The following MYCBP2 variants were observed in gnomAD, a reference collection of about 807,000 sequenced individuals.
MYCBP2 encodes E3 ubiquitin-protein ligase MYCBP2.
MYCBP2 carries 120 observed loss-of-function variants against 525.3 expected under a neutral mutation model. The observed-to-expected ratio is 0.23, with a 90% CI of 0.20 to 0.27. The LOEUF (loss-of-function observed/expected upper bound fraction) is 0.27, where lower values mean the gene tolerates loss of function less well. Among genes scored for constraint, MYCBP2 ranks in the 10% least tolerant of loss-of-function variants. MYCBP2 has a pLI of 1.00. For missense variants in MYCBP2, 4,149 were observed against 5,657.1 expected, an observed-to-expected ratio of 0.73 and a Z score of 8.55; for synonymous variants, 1,894 against 1,955.8, an observed-to-expected ratio of 0.97 and a Z score of 0.83.
chr13:77,301,521 A>G (rs1047175373), intron 1 of MYCBP2, among the ~76,000 whole-genome samples: 16 of 151,862 alleles, frequency 1.1e-4, no homozygotes, highest in Admixed American at 1.3e-4. Context: ...GGAGCGGTCT[A>G]TGTAATCCCT....
intron 82 of MYCBP2, among the ~76,000 whole-genome samples, chr13:77,045,822 G>C (rs1342254142): frequency 2.0e-5 from 3 of 152,064 alleles, no homozygotes; most frequent in Admixed American, 6.6e-5. Flanking sequence ...GAACAAAAAA[G>C]GTCACAAAAC....
In MYCBP2 at chr13:77,180,262, C is replaced by T; in HGVS notation, c.4998G>A (p.Leu1666=). The part of the protein sequence containing the change: ...TSFREVLEKM[L]VIVVLPVRNS... ...TCCTGACTGGTAGCACAACAATGAC[C>T]AGCATTTTCTCCAGAACTTCACGGA... Residue 1666 remains leucine (L), a synonymous_variant, in exon 34 of 83, where the codon CTG becomes CTA. Coordinates refer to ENST00000544440, the MANE Select transcript of MYCBP2 (RefSeq NM_015057.5). The T allele has an allele frequency of 6.2e-7, 1 of 1,614,128 alleles. No individual in the cohort carries two copies. Among genetic ancestry groups the T allele is most frequent in the Non-Finnish European group, 8.5e-7 (1 of 1,180,014 alleles).
intron 26 of MYCBP2, among the ~76,000 whole-genome samples, chr13:77,202,997 C>A (rs1350682533): frequency 1.3e-5 from 2 of 151,672 alleles, no homozygotes; most frequent in South Asian, 2.1e-4. Context: ...GACAGGGATG[C>A]CCTCTCTCAC....
rs765205497 is a variant in MYCBP2, at chr13:77,206,679, C to T, written c.3563G>A (p.Arg1188Gln). Residue 1188 changes from arginine (R) to glutamine (Q), a missense_variant, in exon 24 of 83, where the codon CGA (arginine) becomes CAA (glutamine). Physicochemically the swap from Arg to Gln is conservative, Grantham distance 43. Coordinates refer to ENST00000544440, the MANE Select transcript of MYCBP2 (RefSeq NM_015057.5). ...TAAAATGTGCAAAGCTGCATGAGATCGGGTAGTGAGGGCCCTTGATCCTGT... is the reference window on the plus strand; with the variant it reads ...TAAAATGTGCAAAGCTGCATGAGATTGGGTAGTGAGGGCCCTTGATCCTGT... ...LPTGSRALTT[R>Q]SHAALHILGC... The T allele has an allele frequency of 1.7e-5, 28 of 1,604,106 alleles. No individual in the cohort carries two copies. Among genetic ancestry groups the T allele is most frequent in the Non-Finnish European group, 2.2e-5 (26 of 1,175,132 alleles).
Position 77,189,045 on chromosome 13 carries a change from A to G in MYCBP2, c.4157T>C (p.Leu1386Pro), listed in dbSNP as rs747619765. Residue 1386 changes from leucine (L) to proline (P), a missense_variant and splice_region_variant, in exon 30 of 83, where the codon CTT (leucine) becomes CCT (proline). Coordinates refer to ENST00000544440, the MANE Select transcript of MYCBP2 (RefSeq NM_015057.5). ...TGAAGCACTGCCATCACTGGTTGGA[A>G]GTCTAAAGGCAGTAGACACATATAA... ...AGQIPQLLYRLPTSDGSASKG... is the reference protein window; with the variant it reads ...AGQIPQLLYRPPTSDGSASKG... 1 of 1,607,018 alleles carries G rather than the reference A, an allele frequency of 6.2e-7. No homozygotes were observed. The highest frequency in any genetic ancestry group is 8.5e-7 in the Non-Finnish European group (1 of 1,176,484).
intron 30 of MYCBP2, 104 bp downstream of exon 30, chr13:77,188,847 T>C (rs1425191145): frequency 1.5e-6 from 1 of 655,784 alleles, no homozygotes. Flanking sequence ...TCTGAGTTTA[T>C]AAATCTAGGC....
chr13:77,190,611 T>G (rs1007978817), intron 28 of MYCBP2, among the ~76,000 whole-genome samples: 7 of 152,150 alleles, frequency 4.6e-5, no homozygotes, highest in Non-Finnish European at 2.9e-5. Flanking sequence ...ACTTCTAAAA[T>G]TTCTACTTAC....
Position 77,085,842 on chromosome 13 carries a change from C to T in MYCBP2, c.10875+1642G>A, listed in dbSNP as rs2044164916. ...AGTGGAGCCTTGCTGCAATTGCCAA[C>T]CCACAGACTGTCAGCAAATAAACAA... On this transcript the variant is annotated intron_variant, in intron 62 of 82. Coordinates refer to ENST00000544440, the MANE Select transcript of MYCBP2 (RefSeq NM_015057.5). Among the ~76,000 whole-genome samples, 3 of 152,160 alleles carry T rather than the reference C, an allele frequency of 2.0e-5. No individual in the cohort carries two copies. The South Asian group carries it at 6.2e-4, about 32-fold the overall frequency.
At chr13:77,269,219 T>C (rs1373313142) in intron 7 of MYCBP2, among the ~76,000 whole-genome samples, 1 of 152,230 alleles carries the variant, frequency 6.6e-6, no homozygotes, top group Non-Finnish European at 1.5e-5. Flanking sequence ...TTCATGCAGG[T>C]AGCTGTCTAC....
At chr13:77,245,625 G>A (rs1368031231) in intron 15 of MYCBP2, among the ~76,000 whole-genome samples, 1 of 151,662 alleles carries the variant, frequency 6.6e-6, no homozygotes, top group Non-Finnish European at 1.5e-5. Flanking sequence ...GGCTAGGGGA[G>A]GGATAGCATT....
At chr13:77,110,363 G>A (rs1034297714) in intron 55 of MYCBP2, among the ~76,000 whole-genome samples, 7 of 151,946 alleles carry the variant, frequency 4.6e-5, no homozygotes, top group African/African-American at 9.7e-5. Flanking sequence ...CTCAGAAGGC[G>A]GGGAAAAAAC....
intron 27 of MYCBP2, among the ~76,000 whole-genome samples, chr13:77,193,097 C>G (rs1040556699): frequency 6.6e-6 from 1 of 151,870 alleles, no homozygotes; most frequent in African/African-American, 2.4e-5. Context: ...CCACTGCACT[C>G]CAGCCTAGGT....
rs779144432 is a variant in MYCBP2 at position 77,156,166 on chromosome 13, T to A, written c.6807A>T (p.Lys2269Asn). 1.2e-6 allele frequency: 2 copies of A among 1,613,932 alleles called. No homozygotes were observed. Among genetic ancestry groups the A allele is most frequent in the Admixed American group, 3.3e-5 (2 of 60,020 alleles). Reference sequence around the variant, plus strand: ...CATCCTTATTCAGGATCAAAGATGTTTTCTGAGGATCCGCATATGAATCTG... The same window carrying A: ...CATCCTTATTCAGGATCAAAGATGTATTCTGAGGATCCGCATATGAATCTG... ...LQPDSYADPQ[K>N]TSLILNKDDI... Residue 2269 changes from lysine to asparagine, a missense_variant, in exon 46 of 83, where the codon AAA becomes AAT. Lys to Asn is a moderately conservative substitution (Grantham distance 94, BLOSUM62 0). Around this residue, in one of 21 missense-constraint regions of MYCBP2, gnomAD observed 692 missense variants for 852.7 expected, o/e 0.81. Coordinates refer to ENST00000544440, the MANE Select transcript of MYCBP2 (RefSeq NM_015057.5).
At position 77,288,231 on chromosome 13, in the gene MYCBP2, G is replaced by A. The variant is rs2077093530; in HGVS notation, c.524C>T (p.Ser175Phe). The change falls in exon 3 of 83, where the codon TCT becomes TTT. Residue 175 changes from serine (S) to phenylalanine (F), a missense_variant. Ser to Phe is a radical substitution (Grantham distance 155, BLOSUM62 -2). Transcript: ENST00000544440. ...EISLAAASKNSVQSGESDSDE... is the reference protein window; with the variant it reads ...EISLAAASKNFVQSGESDSDE... ...ACTATCTGATTCTCCACTCTGCACA[G>A]AGTTCTTAGATGCGGCTGCCAATGA... 1.9e-6 allele frequency: 3 copies of A among 1,614,044 alleles called. No homozygotes were observed. The African/African-American group carries it at 4.0e-5, about 22-fold the overall frequency.
chr13:77,074,154 C>A (rs1294996507), intron 68 of MYCBP2, among the ~76,000 whole-genome samples: 1 of 151,992 alleles, frequency 6.6e-6, no homozygotes, highest in Non-Finnish European at 1.5e-5. Flanking sequence ...GTAAGTAAGA[C>A]ACTTTGATGG....
At chr13:77,114,666 T>G (rs1344306814) in intron 55 of MYCBP2, among the ~76,000 whole-genome samples, 2 of 152,108 alleles carry the variant, frequency 1.3e-5, no homozygotes, top group Non-Finnish European at 2.9e-5. Context: ...CTATGATATC[T>G]GTGCTTGAAA....
intron 55 of MYCBP2, among the ~76,000 whole-genome samples, chr13:77,119,107 T>TAA (rs2050260785): frequency 2.0e-5 from 3 of 152,204 alleles, no homozygotes; most frequent in Non-Finnish European, 4.4e-5. Flanking sequence ...TAAAAATCTG[T>TAA]AAGTCCTATA....
At chr13:77,248,809 A>C (rs2070565303) in intron 15 of MYCBP2, among the ~76,000 whole-genome samples, 1 of 152,234 alleles carries the variant, frequency 6.6e-6, no homozygotes, top group Non-Finnish European at 1.5e-5. Context: ...AGCTCCTTGT[A>C]CACTCATCTT....
chr13:77,268,946 G>A (rs779402714), intron 7 of MYCBP2, among the ~76,000 whole-genome samples: 11 of 152,198 alleles, frequency 7.2e-5, no homozygotes, highest in Non-Finnish European at 1.2e-4. Flanking sequence ...CAGGCATGCA[G>A]GGAAATCTTT....
Sources: gnomAD v4.1 joint callset for allele counts (sites outside exome capture counted in the v4.1 genomes callset) on GRCh38, gnomAD v4.1.1 for gene constraint, gnomAD v4.1.1 regional missense constraint, MANE v1.5 for transcripts, NCBI Gene and HGNC (gene_info 2026-07-23, HGNC 2026-07-21) for gene names.